The following PCDHA6 variants were observed in gnomAD, a reference collection of about 807,000 sequenced individuals.
The protein encoded by PCDHA6 is protocadherin alpha 6, also known as protocadherin alpha-6.
A neutral mutation model predicts 60.3 loss-of-function variants in PCDHA6; 55 were observed. The ratio of observed to expected loss-of-function variants is 0.91; its 90% CI spans 0.73 to 1.14. The LOEUF (loss-of-function observed/expected upper bound fraction) is 1.14. PCDHA6 is among the 50% of genes most tolerant of loss of function. The pLI is 0.00. For synonymous variants in PCDHA6, 652 were observed against 557.9 expected, an observed-to-expected ratio of 1.17 and a Z score of -2.38; for missense variants, 1,327 against 1,256.5, an observed-to-expected ratio of 1.06 and a Z score of -0.85.
At chr5:140,911,365 TG>T (rs1554194694) in intron 1 of PCDHA6, among the ~76,000 whole-genome samples, 1 of 152,218 alleles carries the variant, frequency 6.6e-6, no homozygotes, top group East Asian at 1.9e-4. Flanking sequence ...AGTAGACACC[TG>T]GCAAGGCTGT....
intron 1 of PCDHA6, chr5:140,969,617 A>G (rs2096348108): frequency 4.3e-6 from 3 of 705,552 alleles, no homozygotes; most frequent in Non-Finnish European, 6.8e-6. Context: ...ACAGATTTGT[A>G]GAGAAACAGG....
chr5:140,871,210 A>T (rs2052831697), intron 1 of PCDHA6: 2 of 1,613,818 alleles, frequency 1.2e-6, no homozygotes, highest in Middle Eastern at 1.7e-4. Flanking sequence ...GATCATCGCC[A>T]TCTGCGTGGT....
chr5:140,928,108 G>A (rs782166106), intron 1 of PCDHA6: 5 of 1,614,072 alleles, frequency 3.1e-6, no homozygotes, highest in Admixed American at 3.3e-5. Context: ...CCTGGACCGG[G>A]AGCAGATCAG....
intron 3 of PCDHA6, among the ~76,000 whole-genome samples, chr5:140,988,469 G>A (rs2097299168): frequency 6.6e-6 from 1 of 152,150 alleles, no homozygotes; most frequent in Admixed American, 6.5e-5. Flanking sequence ...GGTGTGGGAA[G>A]GGGAATTAGC....
At chr5:140,836,499 G>C in intron 1 of PCDHA6, 1 of 1,613,878 alleles carries the variant, frequency 6.2e-7, no homozygotes, top group Non-Finnish European at 8.5e-7. Context: ...CGCCATCTGC[G>C]CGGTGTCCAG....
intron 2 of PCDHA6, among the ~76,000 whole-genome samples, chr5:140,980,144 T>C (rs2096877989): frequency 6.6e-6 from 1 of 152,172 alleles, no homozygotes; most frequent in Admixed American, 6.6e-5. Flanking sequence ...GAAACATTCA[T>C]GCATATACCA....
intron 1 of PCDHA6, among the ~76,000 whole-genome samples, chr5:140,957,285 G>GT (rs1554222913): frequency 6.6e-6 from 1 of 152,144 alleles, no homozygotes; most frequent in Non-Finnish European, 1.5e-5. Flanking sequence ...CTTACCTGCA[G>GT]TTTCACTCTG....
chr5:140,851,549 T>A (rs2042091129), intron 1 of PCDHA6: 1 of 908,826 alleles, frequency 1.1e-6, no homozygotes, highest in African/African-American at 1.8e-5. Flanking sequence ...ATTCAAGAAA[T>A]GTTGACTGAA....
At chr5:140,999,526 C>A (rs1429753507) in intron 3 of PCDHA6, among the ~76,000 whole-genome samples, 2 of 152,026 alleles carry the variant, frequency 1.3e-5, no homozygotes, top group Non-Finnish European at 2.9e-5. Context: ...TTTGTTACCC[C>A]CTGGATATGA....
chr5:140,849,736 ACCGCGAGAGTGTGT>A, intron 1 of PCDHA6: 1 of 1,598,292 alleles, frequency 6.3e-7, no homozygotes, highest in Non-Finnish European at 8.6e-7. Context: ...AGAGCTCTGG[ACCGCGAGAGTGTGT>A]CCGCCTACGA....
chr5:140,838,325 T>C (rs1554137025), intron 1 of PCDHA6, among the ~76,000 whole-genome samples: 1 of 149,366 alleles, frequency 6.7e-6, no homozygotes, highest in Non-Finnish European at 1.5e-5. Flanking sequence ...AGTTTCACCA[T>C]GTTGCCCCGG....
chr5:140,996,636 T>G (rs561950169), intron 3 of PCDHA6, among the ~76,000 whole-genome samples: 17 of 152,346 alleles, frequency 1.1e-4, no homozygotes, highest in Middle Eastern at 6.8e-3. Context: ...CTGCAAATTA[T>G]GTAGTTAATC....
intron 1 of PCDHA6, among the ~76,000 whole-genome samples, chr5:140,885,674 C>A (rs1041500524): frequency 2.1e-4 from 32 of 152,192 alleles, no homozygotes; most frequent in African/African-American, 7.0e-4. Flanking sequence ...AGCACTCTTT[C>A]TATCTCAAGA....
rs1554158025 is a variant in PCDHA6, at chr5:140,863,249, T to G, written c.2394+32764T>G. On this transcript the variant is annotated intron_variant, in intron 1 of 3. Transcript: ENST00000529310. ...GTCCCATCGCGGGCTTTGGCGGGCGTCGAGGTCCGGGAGGCAGCGCTGGTG... is the reference window on the plus strand; with the variant it reads ...GTCCCATCGCGGGCTTTGGCGGGCGGCGAGGTCCGGGAGGCAGCGCTGGTG... The G allele has an allele frequency of 2.8e-6, 4 of 1,406,824 alleles. No homozygotes were observed. In the Admixed American group the frequency reaches 7.2e-5, roughly 25 times the overall value. The allele number at this position is 1,406,824 out of a possible 1,614,324, so 87.1% of individuals were successfully genotyped here.
chr5:140,926,065 G>A (rs1302106382), intron 1 of PCDHA6, among the ~76,000 whole-genome samples: 3 of 152,176 alleles, frequency 2.0e-5, no homozygotes, highest in Non-Finnish European at 2.9e-5. Context: ...TCCCCTCCTT[G>A]TCGTCTCTAT....
At chr5:140,956,665 G>A (rs1336658976) in intron 1 of PCDHA6, among the ~76,000 whole-genome samples, 3 of 152,004 alleles carry the variant, frequency 2.0e-5, no homozygotes, top group African/African-American at 7.2e-5. Context: ...TGGCCTTAAA[G>A]GAGTTAGGGA....
At chr5:140,954,076 C>T (rs941125208) in intron 1 of PCDHA6, among the ~76,000 whole-genome samples, 4 of 152,150 alleles carry the variant, frequency 2.6e-5, no homozygotes, top group Non-Finnish European at 2.9e-5. Context: ...AGGATAATGG[C>T]TTCCAGCTCC....
At chr5:140,961,205 T>C (rs1215243152) in intron 1 of PCDHA6, among the ~76,000 whole-genome samples, 2 of 152,172 alleles carry the variant, frequency 1.3e-5, no homozygotes, top group Non-Finnish European at 2.9e-5. Context: ...GAGGTTGGTA[T>C]TGATGAAGAA....
chr5:140,840,468 A>G (rs2150307012), intron 1 of PCDHA6, among the ~76,000 whole-genome samples: 2 of 151,992 alleles, frequency 1.3e-5, no homozygotes, highest in Non-Finnish European at 2.9e-5. Context: ...AAGTTGGGGA[A>G]AAAAGTTTAA....
Sources: allele counts gnomAD v4.1 joint callset (sites outside exome capture counted in the v4.1 genomes callset), GRCh38; gene constraint gnomAD v4.1.1; transcripts MANE v1.5; gene names NCBI Gene and HGNC (gene_info 2026-07-23, HGNC 2026-07-21).